The following PBX1 variants were observed in gnomAD, a reference collection of about 807,000 sequenced individuals.
The protein encoded by PBX1 is pre-B-cell leukemia transcription factor 1.
PBX1 carries 6 observed loss-of-function variants against 53.4 expected under a neutral mutation model. The ratio of observed to expected loss-of-function variants is 0.11; its 90% CI spans 0.06 to 0.22. The LOEUF (loss-of-function observed/expected upper bound fraction) is 0.22, where lower values mean the gene tolerates loss of function less well. Ranked by LOEUF, PBX1 falls within the 10% of genes least tolerant of loss-of-function variation. The pLI, the probability that PBX1 is intolerant of heterozygous loss-of-function variation, is 1.00. For synonymous variants in PBX1, 204 were observed against 212.3 expected, an observed-to-expected ratio of 0.96 and a Z score of 0.34; for missense variants, 251 against 551.4, an observed-to-expected ratio of 0.46 and a Z score of 5.46.
chr1:164,782,782 G>A (rs1667995777), intron 2 of PBX1, among the ~76,000 whole-genome samples: 1 of 152,158 alleles, frequency 6.6e-6, no homozygotes, highest in Non-Finnish European at 1.5e-5. Flanking sequence ...CGGCAGCGGG[G>A]TAAGACAACA....
chr1:164,593,996 GGTTGCT>G lies in PBX1; in HGVS notation c.265+30689_265+30694del, dbSNP rs1655585489. 2.0e-5 allele frequency among the ~76,000 whole-genome samples: 3 copies of G among 152,124 alleles called. No homozygotes were observed. The South Asian group carries it at 6.2e-4, about 31-fold the overall frequency. Reference sequence around the variant, plus strand: ...TAGCCTTCTTTCACCTGTCATACCAGGTTGCTGTTTCTTGGTAGAACCTCCTGGGAA... The same window carrying G: ...TAGCCTTCTTTCACCTGTCATACCAGGTTTCTTGGTAGAACCTCCTGGGAA... On this transcript the variant is annotated intron_variant, in intron 2 of 8. Coordinates refer to ENST00000420696, the MANE Select transcript of PBX1 (RefSeq NM_002585.4).
At chr1:164,582,242 C>G (rs1654659809) in intron 2 of PBX1, among the ~76,000 whole-genome samples, 1 of 152,220 alleles carries the variant, frequency 6.6e-6, no homozygotes, top group Admixed American at 6.5e-5. Flanking sequence ...CTTGTTCAGT[C>G]CATATCCTAG....
At chr1:164,569,042 C>G (rs1162336410) in intron 2 of PBX1, among the ~76,000 whole-genome samples, 1 of 152,190 alleles carries the variant, frequency 6.6e-6, no homozygotes, top group African/African-American at 2.4e-5. Flanking sequence ...ACTGCATCTT[C>G]TACTGAAACT....
At chr1:164,685,935 G>A (rs984471770) in intron 2 of PBX1, among the ~76,000 whole-genome samples, 2 of 152,198 alleles carry the variant, frequency 1.3e-5, no homozygotes, top group African/African-American at 2.4e-5. Flanking sequence ...TTAGGTGCCT[G>A]TTCCCCCGTG....
intron 8 of PBX1, among the ~76,000 whole-genome samples, chr1:164,841,538 T>C (rs1671291954): frequency 6.6e-6 from 1 of 152,198 alleles, no homozygotes; most frequent in Admixed American, 6.5e-5. Context: ...AGACCGGGCC[T>C]GGATCTCTTT....
At chr1:164,647,776 G>A (rs1480016760) in intron 2 of PBX1, among the ~76,000 whole-genome samples, 1 of 151,786 alleles carries the variant, frequency 6.6e-6, no homozygotes, top group African/African-American at 2.4e-5. Flanking sequence ...ACATCTGGGG[G>A]CTGGTGCTGA....
At chr1:164,776,942 GGAGAGAGAGAGA>G (rs377054240) in intron 2 of PBX1, among the ~76,000 whole-genome samples, 7 of 43,520 alleles carry the variant, frequency 1.6e-4, no homozygotes, top group Non-Finnish European at 3.0e-4. Flanking sequence ...TGTGGTGGGA[GGAGAGAGAGAGA>G]GAGAGAGAGA....
At chr1:164,828,115 T>A (rs184735234) in intron 8 of PBX1, among the ~76,000 whole-genome samples, 1 of 152,184 alleles carries the variant, frequency 6.6e-6, no homozygotes, top group Non-Finnish European at 1.5e-5. Flanking sequence ...CCCAACCAAA[T>A]AGATATACCA....
At chr1:164,563,355 T>C in intron 2 of PBX1, 44 bp downstream of exon 2, 1 of 1,244,068 alleles carries the variant, frequency 8.0e-7, no homozygotes, top group Non-Finnish European at 1.2e-6. Flanking sequence ...TTTGGCCAAT[T>C]AAATCACTTA....
At chr1:164,821,680 A>G in intron 8 of PBX1, 54 bp downstream of exon 8, 1 of 1,366,364 alleles carries the variant, frequency 7.3e-7, no homozygotes, top group Non-Finnish European at 1.0e-6. Flanking sequence ...TTCACTACCA[A>G]TTATTTCAAA....
At chr1:164,661,818 G>A (rs75602318) in intron 2 of PBX1, among the ~76,000 whole-genome samples, 10,769 of 152,148 alleles carry the variant, frequency 0.071, 491 homozygotes, top group South Asian at 0.14. Flanking sequence ...GAAGTTAAAA[G>A]AAAAGTAGTG....
chr1:164,669,978 C>T (rs1661026936), intron 2 of PBX1, among the ~76,000 whole-genome samples: 1 of 152,166 alleles, frequency 6.6e-6, no homozygotes, highest in Non-Finnish European at 1.5e-5. Flanking sequence ...CCTTTCCACC[C>T]TTCCAATTCC....
intron 2 of PBX1, among the ~76,000 whole-genome samples, chr1:164,587,888 C>T (rs1655060806): frequency 6.6e-6 from 1 of 152,144 alleles, no homozygotes; most frequent in South Asian, 2.1e-4. Context: ...ATCCCCCACC[C>T]CTTTTCTGAA....
chr1:164,673,872 TC>T (rs146102311), intron 2 of PBX1, among the ~76,000 whole-genome samples: 2,449 of 152,136 alleles, frequency 0.016, 49 homozygotes, highest in South Asian at 0.056. Flanking sequence ...GCTTCTGGAG[TC>T]CCCTTGTCCT....
At chr1:164,747,466 T>A (rs376776970) in intron 2 of PBX1, among the ~76,000 whole-genome samples, 124 of 152,264 alleles carry the variant, frequency 8.1e-4, no homozygotes, top group African/African-American at 2.8e-3. Flanking sequence ...GGATGTAACA[T>A]AACAGTATGT....
intron 2 of PBX1, among the ~76,000 whole-genome samples, chr1:164,658,004 G>A (rs549524924): frequency 6.6e-6 from 1 of 152,248 alleles, no homozygotes; most frequent in African/African-American, 2.4e-5. Context: ...GGGCATTCGT[G>A]TCCCACTGTC....
intron 2 of PBX1, among the ~76,000 whole-genome samples, chr1:164,860,980 G>T (rs762716423): frequency 6.6e-5 from 10 of 152,008 alleles, no homozygotes; most frequent in Non-Finnish European, 1.3e-4. Context: ...GGATAGAGGA[G>T]TAGCATGGTG....
intron 2 of PBX1, among the ~76,000 whole-genome samples, chr1:164,744,615 C>A (rs989471071): frequency 2.6e-5 from 4 of 152,168 alleles, no homozygotes; most frequent in Non-Finnish European, 4.4e-5. Flanking sequence ...TCCCCAGTAG[C>A]TAGAAGAGTG....
intron 8 of PBX1, among the ~76,000 whole-genome samples, chr1:164,821,972 T>C (rs908356853): frequency 2.0e-5 from 3 of 152,048 alleles, no homozygotes; most frequent in African/African-American, 7.2e-5. Context: ...CCTGGGAACC[T>C]GGGAGGTGAA....
Sources: gnomAD v4.1 joint callset for allele counts (sites outside exome capture counted in the v4.1 genomes callset) on GRCh38, gnomAD v4.1.1 for gene constraint, MANE v1.5 for transcripts, NCBI Gene and HGNC (gene_info 2026-07-23, HGNC 2026-07-21) for gene names.